The following STAT5A variants were observed in gnomAD, a reference collection of about 807,000 sequenced individuals.
STAT5A encodes the protein signal transducer and activator of transcription 5A.
A neutral mutation model predicts 100.2 loss-of-function variants in STAT5A; 26 were observed. That is an observed-to-expected ratio of 0.26 (90% CI 0.19 to 0.36). The LOEUF is 0.36. STAT5A is among the 10% of genes least tolerant of loss of function. The pLI, the probability that STAT5A is intolerant of heterozygous loss-of-function variation, is 1.00. For missense variants in STAT5A, 634 were observed against 1,027.5 expected (o/e 0.62, Z 5.24); for synonymous variants, 330 against 424.3 (o/e 0.78, Z 2.73).
intron 4 of STAT5A, among the ~76,000 whole-genome samples, chr17:42,293,045 G>A (rs78968011): frequency 6.6e-6 from 1 of 152,206 alleles, no homozygotes; most frequent in East Asian, 1.9e-4. Context: ...CATCTCCCCA[G>A]TTCTGAAATA....
Position 42,299,825 on chromosome 17 carries a change from G to A in STAT5A, c.625G>A (p.Val209Met), listed in dbSNP as rs367568442. The change falls in exon 6 of 19, where the codon GTG (valine) becomes ATG (methionine). Residue 209 changes from valine (V) to methionine (M), a missense_variant. By Grantham distance (21) the Val-to-Met change is conservative. Around this residue, in one of 5 missense-constraint regions of STAT5A, gnomAD observed 207 missense variants for 256.6 expected, o/e 0.81. Transcript: ENST00000590949. ...SRETALQQKQ[V>M]SLEAWLQREA... The stretch of plus-strand genomic sequence containing the variant: ...GGAGACGGCCCTCCAGCAGAAGCAG[G>A]TGTCTCTGGAGGCCTGGTTGCAGCG... The A allele has an allele frequency of 6.9e-5, 112 of 1,613,438 alleles. No homozygotes were observed. The African/African-American group carries it at 1.2e-3, about 18-fold the overall frequency.
At position 42,308,161 on chromosome 17, in the gene STAT5A, G is replaced by A. The variant is rs1317169189; in HGVS notation, c.1907-17G>A. Reference sequence around the variant, plus strand: ...TGCTGCTGGTGGATTATGGGAATGAGGCTGTTCTTTTCACAGCGGAACGCA... The same window carrying A: ...TGCTGCTGGTGGATTATGGGAATGAAGCTGTTCTTTTCACAGCGGAACGCA... On this transcript the variant is annotated splice_polypyrimidine_tract_variant and intron_variant, in intron 15 of 18. Coordinates refer to ENST00000590949, the MANE Select transcript of STAT5A (RefSeq NM_001288718.2). The surrounding 1 kb of genome is among the most constrained non-coding windows in gnomAD (Gnocchi z 4.6). The A allele has an allele frequency of 3.7e-6, 6 of 1,613,016 alleles. No homozygotes were observed. The highest frequency in any genetic ancestry group is 5.1e-6 in the Non-Finnish European group (6 of 1,179,236).
At chr17:42,293,185 A>ATTTC (rs150202150) in intron 4 of STAT5A, among the ~76,000 whole-genome samples, 1 of 152,074 alleles carries the variant, frequency 6.6e-6, no homozygotes, top group Admixed American at 6.6e-5. Flanking sequence ...CATATTTATT[A>ATTTC]TTTCTTTCTT....
At chr17:42,296,166 T>G (rs936137823) in intron 5 of STAT5A, among the ~76,000 whole-genome samples, 1 of 152,206 alleles carries the variant, frequency 6.6e-6, no homozygotes, top group Non-Finnish European at 1.5e-5. Context: ...CTTAATGGTA[T>G]GTATTCTGTA....
chr17:42,288,276 C>T (rs1210915000), upstream of STAT5A: 1 of 152,130 alleles, frequency 6.6e-6, no homozygotes, highest in Non-Finnish European at 1.5e-5. The surrounding 1 kb of genome is among the most constrained non-coding windows in gnomAD (Gnocchi z 4.8). Flanking sequence ...TGCTGGGACT[C>T]CCGGGGGACC....
In STAT5A at chr17:42,306,258, C is replaced by T. The variant is rs147641552; in HGVS notation, c.1491C>T (p.Ala497=). ...AFAEPGRVPF[A]VPDKVLWPQL... ...CCTCTCAGGGCAGGGTGCCATTTGC[C>T]GTGCCTGACAAAGTGCTGTGGCCGC... The change falls in exon 13 of 19, where the codon GCC becomes GCT. Residue 497 remains alanine (A), a synonymous_variant. Transcript: ENST00000590949. The T allele has an allele frequency of 1.1e-5, 17 of 1,613,990 alleles. No individual in the cohort carries two copies. Among genetic ancestry groups the T allele is most frequent in the East Asian group, 6.7e-5 (3 of 44,884 alleles).
chr17:42,288,485 C>G (rs1257397111), upstream of STAT5A: 1 of 152,872 alleles, frequency 6.5e-6, no homozygotes, highest in East Asian at 1.9e-4. This position sits in a 1 kb window ranked among gnomAD's most constrained non-coding sequence, Gnocchi z 4.8. Context: ...CGCTGCTCTC[C>G]GCTCCTTCCT....
At position 42,309,107 on chromosome 17, in the gene STAT5A, C is replaced by G; in HGVS notation, c.2114+9C>G. Reference sequence around the variant, plus strand: ...AAGCAAGTGGTCCCTGAGTAAGTGTCCAGGTGGCTGTGGCTCTCCTTCTGC... The same window carrying G: ...AAGCAAGTGGTCCCTGAGTAAGTGTGCAGGTGGCTGTGGCTCTCCTTCTGC... On this transcript the variant is annotated intron_variant, in intron 17 of 18. Coordinates refer to ENST00000590949, the MANE Select transcript of STAT5A (RefSeq NM_001288718.2). 1.9e-6 allele frequency: 3 copies of G among 1,613,970 alleles called. No individual in the cohort carries two copies. Among genetic ancestry groups the G allele is most frequent in the Non-Finnish European group, 2.5e-6 (3 of 1,180,008 alleles).
chr17:42,301,258 C>T lies in STAT5A; in HGVS notation c.990-17C>T. Reference sequence around the variant, plus strand: ...CGCCAACCCCTCATCGTGTGTCTGTCCCTGTGTCCCATGCAGCACATTCAT... The same window carrying T: ...CGCCAACCCCTCATCGTGTGTCTGTTCCTGTGTCCCATGCAGCACATTCAT... On this transcript the variant is annotated splice_polypyrimidine_tract_variant and intron_variant, in intron 8 of 18. Transcript: ENST00000590949. 1 of 1,612,106 alleles carries T rather than the reference C, an allele frequency of 6.2e-7. No individual in the cohort carries two copies. Among genetic ancestry groups the T allele is most frequent in the South Asian group, 1.1e-5 (1 of 90,984 alleles).
intron 13 of STAT5A, among the ~76,000 whole-genome samples, chr17:42,306,756 G>A (rs1011698058): frequency 1.3e-5 from 2 of 151,822 alleles, no homozygotes; most frequent in Non-Finnish European, 2.9e-5. Context: ...ATCTCATTCT[G>A]TCACCCAGGC....
rs574731999 is a variant in STAT5A, at chr17:42,289,455, T to A, written c.44T>A (p.Leu15Gln). 1 of 1,612,988 alleles carries A rather than the reference T, an allele frequency of 6.2e-7. No homozygotes were observed. The highest frequency in any genetic ancestry group is 1.1e-5 in the South Asian group (1 of 91,076). Residue 15 changes from leucine to glutamine, a missense_variant, in exon 2 of 19, where the codon CTG (leucine) becomes CAG (glutamine). Leu to Gln is a moderately radical substitution (Grantham distance 113, BLOSUM62 -2). This residue lies in a region of STAT5A where 207 missense variants were observed against 256.6 expected (regional missense o/e 0.81). Transcript: ENST00000590949. ...GCCCAGCAGCTGCAGGGAGACGCGC[T>A]GCGCCAGATGCAGGTGCTGTACGGC... ...IQAQQLQGDALRQMQVLYGQH... is the reference protein window; with the variant it reads ...IQAQQLQGDAQRQMQVLYGQH...
intron 9 of STAT5A, among the ~76,000 whole-genome samples, chr17:42,302,612 T>C (rs1378494706): frequency 6.6e-6 from 1 of 152,178 alleles, no homozygotes; most frequent in Non-Finnish European, 1.5e-5. Context: ...GTGGAAGACA[T>C]GGCCCCATCC....
chr17:42,291,336 GTTCC>G (rs756212438), intron 3 of STAT5A, among the ~76,000 whole-genome samples: 1 of 152,152 alleles, frequency 6.6e-6, no homozygotes, highest in Non-Finnish European at 1.5e-5. Context: ...GTGTGGTCCA[GTTCC>G]TAACAGACCA....
chr17:42,303,342 G>A (rs535995236), intron 9 of STAT5A, among the ~76,000 whole-genome samples: 6 of 152,284 alleles, frequency 3.9e-5, no homozygotes, highest in South Asian at 4.1e-4. Flanking sequence ...TTGCAGCTGG[G>A]GAGACTGATG....
chr17:42,295,583 T>C (rs756639546), intron 4 of STAT5A, 36 bp from the exon 5 acceptor site: 1 of 1,599,004 alleles, frequency 6.3e-7, no homozygotes, highest in Admixed American at 1.7e-5. Context: ...TCCCATCCTC[T>C]CTTCCCCGAG....
intron 18 of STAT5A, 48 bp from the exon 19 acceptor site, chr17:42,310,459 G>A (rs765771775): frequency 4.4e-6 from 7 of 1,602,618 alleles, no homozygotes; most frequent in East Asian, 2.2e-5. Flanking sequence ...GGGAGCTTGA[G>A]GCTGTGAGAC....
chr17:42,295,518 G>A, intron 4 of STAT5A, 101 bp from the exon 5 acceptor site: 1 of 1,257,666 alleles, frequency 8.0e-7, no homozygotes, highest in South Asian at 1.4e-5. Flanking sequence ...ACCCTAGTTT[G>A]GGGTTTGGGG....
chr17:42,291,584 C>A (rs1423212409), intron 3 of STAT5A, among the ~76,000 whole-genome samples: 1 of 152,118 alleles, frequency 6.6e-6, no homozygotes, highest in African/African-American at 2.4e-5. Flanking sequence ...AGCGTGATGG[C>A]ACATGCCTGT....
rs1388238118 is a variant in STAT5A, at chr17:42,308,144, G to T, written c.1907-34G>T. The T allele has an allele frequency of 1.2e-6, 2 of 1,607,584 alleles. No individual in the cohort carries two copies. Among genetic ancestry groups the T allele is most frequent in the Admixed American group, 1.7e-5 (1 of 59,820 alleles). ...CACAACCTTGGTCCTCCTGCTGCTG[G>T]TGGATTATGGGAATGAGGCTGTTCT... On this transcript the variant is annotated intron_variant, in intron 15 of 18. Transcript: ENST00000590949. The surrounding 1 kb of genome is among the most constrained non-coding windows in gnomAD (Gnocchi z 4.6).
Sources: gnomAD v4.1 joint callset for allele counts (sites outside exome capture counted in the v4.1 genomes callset) on GRCh38, gnomAD v4.1.1 for gene constraint, gnomAD v4.1.1 regional missense constraint, Gnocchi (gnomAD v3.1) non-coding constraint, MANE v1.5 for transcripts, NCBI Gene and HGNC (gene_info 2026-07-23, HGNC 2026-07-21) for gene names.